Variants in NXPE4 observed in about 807,000 individuals in gnomAD.
The protein encoded by NXPE4 is NXPE family member 4.
Under a neutral mutation model 33.3 loss-of-function variants are expected in NXPE4, and 42 were observed. The observed-to-expected ratio is 1.26, with a 90% CI of 0.98 to 1.63. NXPE4 has a LOEUF of 1.63. Ranked by LOEUF, NXPE4 falls within the 40% of genes most tolerant of loss-of-function variation. NXPE4 has a pLI of 0.00. For synonymous variants in NXPE4, 253 were observed against 234.9 expected (o/e 1.08, Z -0.71); for missense variants, 709 against 647.6 (o/e 1.09, Z -1.03).
At chr11:114,635,728 G>C in the NXPE4 span, among the ~76,000 whole-genome samples, 1 of 151,864 alleles carries the variant, frequency 6.6e-6, no homozygotes, top group Non-Finnish European at 1.5e-5. Flanking sequence ...ATAATCATGT[G>C]GTTTTTGTCT....
the NXPE4 span, among the ~76,000 whole-genome samples, chr11:114,663,234 G>A: frequency 1.7e-4 from 26 of 152,108 alleles, no homozygotes; most frequent in African/African-American, 5.3e-4. Context: ...GGAAAAGAGG[G>A]GAGGACTGTG....
chr11:114,636,930 G>A, the NXPE4 span, among the ~76,000 whole-genome samples: 1 of 152,120 alleles, frequency 6.6e-6, no homozygotes, highest in African/African-American at 2.4e-5. Flanking sequence ...TGAAAAAAAT[G>A]TATATTCTGT....
chr11:114,619,937 C>G, the NXPE4 span, among the ~76,000 whole-genome samples: 1 of 151,906 alleles, frequency 6.6e-6, no homozygotes, highest in Non-Finnish European at 1.5e-5. Flanking sequence ...ACCACTGTTA[C>G]CCGGTGGATA....
At chr11:114,646,418 T>C in the NXPE4 span, among the ~76,000 whole-genome samples, 4 of 152,100 alleles carry the variant, frequency 2.6e-5, no homozygotes, top group African/African-American at 9.6e-5. Flanking sequence ...CAGTGAATTA[T>C]ATTTATAAAT....
the NXPE4 span, among the ~76,000 whole-genome samples, chr11:114,641,208 A>T: frequency 6.6e-6 from 1 of 152,150 alleles, no homozygotes; most frequent in East Asian, 1.9e-4. Context: ...AGGAATATAG[A>T]GTTGAGAAAA....
chr11:114,648,352 A>C, the NXPE4 span, among the ~76,000 whole-genome samples: 1 of 152,128 alleles, frequency 6.6e-6, no homozygotes, highest in Non-Finnish European at 1.5e-5. Context: ...TACTCTGAAA[A>C]CAGGACAAAA....
the NXPE4 span, among the ~76,000 whole-genome samples, chr11:114,630,328 T>C: frequency 1.3e-5 from 2 of 151,760 alleles, no homozygotes; most frequent in African/African-American, 4.9e-5. Context: ...AATAGAGATA[T>C]AGATCAATGG....
At chr11:114,599,671 G>A (rs1949615859), upstream of NXPE4, among the ~76,000 whole-genome samples, 1 of 152,148 alleles carries the variant, frequency 6.6e-6, no homozygotes. Context: ...GTGGGAGCAG[G>A]TGTCTTACAT....
chr11:114,579,875 G>C (rs1370249165), intron 5 of NXPE4, among the ~76,000 whole-genome samples: 1 of 152,146 alleles, frequency 6.6e-6, no homozygotes, highest in East Asian at 1.9e-4. Flanking sequence ...AGTTTTTGGA[G>C]CCTACTGGGT....
At chr11:114,675,571 C>A in the NXPE4 span, among the ~76,000 whole-genome samples, 3 of 151,372 alleles carry the variant, frequency 2.0e-5, no homozygotes, top group South Asian at 6.2e-4. Flanking sequence ...TAAAAAAAAC[C>A]CTTAGGAATT....
chr11:114,636,195 G>A, the NXPE4 span, among the ~76,000 whole-genome samples: 4 of 151,984 alleles, frequency 2.6e-5, no homozygotes, highest in Admixed American at 6.6e-5. Context: ...GTCTTAGGAG[G>A]GTGTATGTGT....
the NXPE4 span, among the ~76,000 whole-genome samples, chr11:114,615,059 C>T: frequency 0.092 from 13,988 of 151,956 alleles, 762 homozygotes; most frequent in Middle Eastern, 0.2. Context: ...AGTGTTGCCT[C>T]GTGGGTAACA....
At chr11:114,653,533 C>CT in the NXPE4 span, among the ~76,000 whole-genome samples, 3,856 of 103,454 alleles carry the variant, frequency 0.037, 216 homozygotes, top group African/African-American at 0.11. Flanking sequence ...CCTGCTTTCC[C>CT]TTTTTTTTTT....
At chr11:114,637,463 A>G in the NXPE4 span, among the ~76,000 whole-genome samples, 2 of 151,768 alleles carry the variant, frequency 1.3e-5, no homozygotes, top group East Asian at 3.9e-4. Flanking sequence ...GTCCATTTAC[A>G]TTTAAAGTTA....
chr11:114,594,527 G>A (rs1591357690), intron 2 of NXPE4, 137 bp downstream of exon 2: 1 of 645,564 alleles, frequency 1.5e-6, no homozygotes, highest in South Asian at 1.7e-5. Context: ...ATGATTATCA[G>A]GTATGTTGTT....
the NXPE4 span, among the ~76,000 whole-genome samples, chr11:114,624,490 T>C: frequency 1.3e-5 from 2 of 150,754 alleles, no homozygotes. Context: ...TGCCCATGGG[T>C]AAGCCCTGTT....
At chr11:114,676,055 G>T in the NXPE4 span, among the ~76,000 whole-genome samples, 1 of 151,874 alleles carries the variant, frequency 6.6e-6, no homozygotes, top group Non-Finnish European at 1.5e-5. Flanking sequence ...ACATGTGGAA[G>T]AATGAAACTA....
At chr11:114,601,762 T>TAATTA in the NXPE4 span, among the ~76,000 whole-genome samples, 1 of 70,768 alleles carries the variant, frequency 1.4e-5, no homozygotes, top group Admixed American at 2.6e-4. Flanking sequence ...AATATATATG[T>TAATTA]GATTATATAT....
upstream of NXPE4, among the ~76,000 whole-genome samples, chr11:114,598,012 T>A (rs1470411629): frequency 6.6e-6 from 1 of 152,142 alleles, no homozygotes; most frequent in Admixed American, 6.6e-5. Flanking sequence ...CCCTTCCACC[T>A]ATGAGCCTGT....
Sources: allele counts gnomAD v4.1 joint callset (sites outside exome capture counted in the v4.1 genomes callset), GRCh38; gene constraint gnomAD v4.1.1; transcripts MANE v1.5; gene names NCBI Gene and HGNC (gene_info 2026-07-23, HGNC 2026-07-21).